GABRR3: variants seen among roughly 807,000 people sequenced by gnomAD.
The protein encoded by GABRR3 is gamma-aminobutyric acid type A receptor subunit rho3, also known as gamma-aminobutyric acid receptor subunit rho-3.
A neutral mutation model predicts 43.2 loss-of-function variants in GABRR3; 29 were observed. That is an observed-to-expected ratio of 0.67 (90% CI 0.50 to 0.92). The LOEUF is 0.92. GABRR3 is among the 40% of genes least tolerant of loss of function. The pLI, the probability that GABRR3 is intolerant of heterozygous loss-of-function variation, is 0.00. For synonymous variants in GABRR3, 206 were observed against 195.9 expected, an observed-to-expected ratio of 1.05 and a Z score of -0.43; for missense variants, 576 against 572.3, an observed-to-expected ratio of 1.01 and a Z score of -0.07.
At chr3:98,023,141 C>A (rs1215184875) in intron 3 of GABRR3, among the ~76,000 whole-genome samples, 1 of 152,092 alleles carries the variant, frequency 6.6e-6, no homozygotes, top group Admixed American at 6.5e-5. Flanking sequence ...GGTGATTCTG[C>A]GGCTGGTCCA....
chr3:98,023,958 T>C (rs1178457654), intron 3 of GABRR3, among the ~76,000 whole-genome samples: 1 of 152,098 alleles, frequency 6.6e-6, no homozygotes, highest in African/African-American at 2.4e-5. Flanking sequence ...ATCTAGTGGG[T>C]CAGAGACTCT....
exon 9 of GABRR3, chr3:97,992,858 T>A: frequency 2.5e-6 from 4 of 1,606,144 alleles, no homozygotes; most frequent in Non-Finnish European, 3.4e-6. Flanking sequence ...GTACCTTTCC[T>A]GTCTTCTTGA....
At chr3:97,986,593 A>C (rs1309405068), downstream of GABRR3, 2 of 848,706 alleles carry the variant, frequency 2.4e-6, no homozygotes. Flanking sequence ...GCTCTTTCCC[A>C]GTTCCATCTA....
rs745432025 is a variant in GABRR3, at chr3:98,025,527, C to T, written c.238+40G>A. The T allele has an allele frequency of 3.4e-5, 46 of 1,369,702 alleles. No individual in the cohort carries two copies. In the Admixed American group the frequency reaches 5.2e-4, roughly 15 times the overall value. 84.8% of individuals were successfully genotyped at this position (1,369,702 alleles called of 1,614,324 possible). A position where few individuals can be genotyped will look rare whatever the true frequency, so the allele number is the denominator to read the frequency against. On this transcript the variant is annotated intron_variant, in intron 3 of 9. Transcript: ENST00000621172. ...AATTTTCACCTCCATTTTGACAGTGCAATGGGTTTTGAAATGAATTTTGAG... is the reference window on the plus strand; with the variant it reads ...AATTTTCACCTCCATTTTGACAGTGTAATGGGTTTTGAAATGAATTTTGAG...
chr3:98,013,120 C>T (rs977145106), intron 4 of GABRR3, among the ~76,000 whole-genome samples: 1 of 152,180 alleles, frequency 6.6e-6, no homozygotes, highest in Admixed American at 6.5e-5. Flanking sequence ...GAATCATCCT[C>T]AGCTTGAGAG....
At chr3:97,993,791 T>G (rs1706502456) in intron 8 of GABRR3, among the ~76,000 whole-genome samples, 1 of 152,062 alleles carries the variant, frequency 6.6e-6, no homozygotes, top group South Asian at 2.1e-4. Context: ...TCTTCTCCCT[T>G]TCTGCTGCCT....
chr3:98,017,517 C>T, intron 4 of GABRR3, 138 bp downstream of exon 4: 1 of 678,064 alleles, frequency 1.5e-6, no homozygotes, highest in Non-Finnish European at 2.6e-6. Context: ...GCACAGCAAT[C>T]ATGACCCTAT....
intron 3 of GABRR3, among the ~76,000 whole-genome samples, chr3:98,023,878 A>G (rs1706980901): frequency 6.6e-6 from 1 of 152,162 alleles, no homozygotes; most frequent in Non-Finnish European, 1.5e-5. Context: ...GGAGCTCTCA[A>G]ATTGTGATTC....
intron 4 of GABRR3, among the ~76,000 whole-genome samples, chr3:98,013,787 G>A (rs1309974162): frequency 6.6e-6 from 1 of 152,144 alleles, no homozygotes; most frequent in Non-Finnish European, 1.5e-5. Flanking sequence ...CATAATACAA[G>A]GAATTGTGTG....
chr3:98,033,351 G>A (rs949081575), intron 2 of GABRR3, among the ~76,000 whole-genome samples: 1 of 152,118 alleles, frequency 6.6e-6, no homozygotes, highest in South Asian at 2.1e-4. Flanking sequence ...GTCTGCTTTT[G>A]CATAGGCTCT....
chr3:98,008,907 T>G (rs1025520482), intron 6 of GABRR3, 49 bp downstream of exon 6: 1 of 1,013,456 alleles, frequency 9.9e-7, no homozygotes, highest in Admixed American at 2.0e-5. Flanking sequence ...AAGTATGTGA[T>G]GGTGTGTTCA....
At position 97,992,773 on chromosome 3, in the gene GABRR3, A is replaced by C. The variant is rs1706487383; in HGVS notation, c.1104+79T>G. The C allele has an allele frequency of 1.4e-5, 18 of 1,314,800 alleles. No individual in the cohort carries two copies. The Admixed American group carries it at 4.1e-4, about 30-fold the overall frequency. The allele number at this position is 1,314,800 out of a possible 1,614,324, so 81.4% of individuals were successfully genotyped here. ...TGGACTTAATACAAAGGCTTACAAC[A>C]CTGTCAAGAGAGGGCAATAGATAAG... is the stretch of plus-strand genomic sequence containing the variant. On this transcript the variant is annotated intron_variant, in intron 9 of 9. Transcript: ENST00000621172.
In GABRR3 at chr3:97,993,081, T is replaced by A. The variant is rs542615536; in HGVS notation, c.908-33A>T. The stretch of plus-strand genomic sequence containing the variant: ...TTGAGAATAGTGGCAAGCTCAGTGA[T>A]ATAGCCATTCATTTCCAGGATCTGG... On this transcript the variant is annotated intron_variant, in intron 8 of 9. Coordinates refer to ENST00000621172, the Ensembl canonical transcript of GABRR3. 8 of 1,505,542 alleles carry A rather than the reference T, an allele frequency of 5.3e-6. No homozygotes were observed. In the South Asian group the frequency reaches 1.1e-4, roughly 20 times the overall value. The allele number at this position is 1,505,542 out of a possible 1,614,324, so 93.3% of individuals were successfully genotyped here. A position where few individuals can be genotyped will look rare whatever the true frequency, so the allele number is the denominator to read the frequency against.
At chr3:98,024,120 G>A (rs1201491555) in intron 3 of GABRR3, among the ~76,000 whole-genome samples, 2 of 152,320 alleles carry the variant, frequency 1.3e-5, no homozygotes, top group East Asian at 3.9e-4. Flanking sequence ...CACTCTGGGA[G>A]GCCGAGGTGG....
At chr3:97,986,020 C>T (rs1413588258), downstream of GABRR3, among the ~76,000 whole-genome samples, 2 of 152,116 alleles carry the variant, frequency 1.3e-5, no homozygotes, top group Non-Finnish European at 1.5e-5. Flanking sequence ...GCGTGTGCCA[C>T]CATGCCCGCT....
chr3:98,033,445 A>C (rs190947162), intron 2 of GABRR3, among the ~76,000 whole-genome samples: 1 of 152,098 alleles, frequency 6.6e-6, no homozygotes, highest in Non-Finnish European at 1.5e-5. Context: ...CAAAGAACCA[A>C]TGTTCTTTTC....
downstream of GABRR3, among the ~76,000 whole-genome samples, chr3:97,985,561 G>A (rs537258829): frequency 6.6e-6 from 1 of 152,278 alleles, no homozygotes; most frequent in African/African-American, 2.4e-5. Flanking sequence ...CACTGCTCCT[G>A]TTGGCTATGC....
intron 3 of GABRR3, among the ~76,000 whole-genome samples, chr3:98,025,085 C>T (rs1031374536): frequency 9.2e-5 from 14 of 152,242 alleles, no homozygotes; most frequent in African/African-American, 2.9e-4. Flanking sequence ...TAAGATAGTA[C>T]ATTAAGGGGT....
downstream of GABRR3, chr3:97,986,605 G>T: frequency 1.0e-6 from 1 of 974,648 alleles, no homozygotes; most frequent in Non-Finnish European, 1.5e-6. Flanking sequence ...TTCCATCTAG[G>T]ACTATCCAAC....
Sources: allele counts gnomAD v4.1 joint callset (sites outside exome capture counted in the v4.1 genomes callset), GRCh38; gene constraint gnomAD v4.1.1; transcripts MANE v1.5; gene names NCBI Gene and HGNC (gene_info 2026-07-23, HGNC 2026-07-21).